Variants in RORA observed in about 807,000 individuals in gnomAD.
The protein encoded by RORA is nuclear receptor ROR-alpha.
RORA carries 7 observed loss-of-function variants against 69.5 expected under a neutral mutation model. The ratio of observed to expected loss-of-function variants is 0.10; its 90% CI spans 0.06 to 0.19. The LOEUF (loss-of-function observed/expected upper bound fraction) is 0.19, where lower values mean the gene tolerates loss of function less well. Ranked by LOEUF, RORA falls within the 10% of genes least tolerant of loss-of-function variation. RORA has a pLI of 1.00. For synonymous variants in RORA, 261 were observed against 240.8 expected (o/e 1.08, Z -0.78); for missense variants, 457 against 663.0 (o/e 0.69, Z 3.41).
chr15:61,054,431 G>A (rs550622965), intron 1 of RORA, among the ~76,000 whole-genome samples: 63 of 152,114 alleles, frequency 4.1e-4, no homozygotes, highest in Non-Finnish European at 7.3e-4. Flanking sequence ...CCTTAGAGAG[G>A]AGGAAATCAG....
At chr15:60,576,303 G>C (rs577583769) in intron 2 of RORA, among the ~76,000 whole-genome samples, 4 of 152,140 alleles carry the variant, frequency 2.6e-5, no homozygotes. Flanking sequence ...TTCTCTCTTA[G>C]TTATAACAGT....
At chr15:60,981,253 T>A (rs936565491) in intron 1 of RORA, among the ~76,000 whole-genome samples, 13 of 152,166 alleles carry the variant, frequency 8.5e-5, no homozygotes, top group Non-Finnish European at 1.8e-4. Context: ...CGTCTTTGAT[T>A]TTCAACAGTT....
At chr15:60,638,181 C>G (rs2069873899) in intron 2 of RORA, among the ~76,000 whole-genome samples, 3 of 152,010 alleles carry the variant, frequency 2.0e-5, no homozygotes, top group Admixed American at 2.0e-4. Flanking sequence ...AAGATATCAA[C>G]CCATCTATCT....
chr15:60,852,490 C>A (rs546079021), intron 1 of RORA, among the ~76,000 whole-genome samples: 1 of 152,284 alleles, frequency 6.6e-6, no homozygotes, highest in Non-Finnish European at 1.5e-5. Context: ...AAACTATATA[C>A]ATAAAATACC....
intron 1 of RORA, among the ~76,000 whole-genome samples, chr15:60,911,060 G>T: frequency 7.5e-6 from 1 of 133,134 alleles, no homozygotes; most frequent in African/African-American, 2.9e-5. Context: ...CCACCACCAT[G>T]CCCAGCTAAT....
At chr15:60,855,058 G>T (rs2140418317) in intron 1 of RORA, among the ~76,000 whole-genome samples, 2 of 152,348 alleles carry the variant, frequency 1.3e-5, no homozygotes, top group Middle Eastern at 6.8e-3. Context: ...GCTGGGCAGA[G>T]CTTACGATTG....
chr15:61,133,881 T>TTA, intron 1 of RORA, among the ~76,000 whole-genome samples: 1 of 152,320 alleles, frequency 6.6e-6, no homozygotes, highest in African/African-American at 2.4e-5. Context: ...AATCTTTAAC[T>TTA]GTAGCAAAAT....
rs374041653 is a variant in RORA, at chr15:61,131,628, C to T, written c.166+97425G>A. ...AACATGTGCTACACTACTGACTATC[C>T]GTTAGACAGTGCTTTAAGCACTTTT... On this transcript the variant is annotated intron_variant, in intron 1 of 10. Transcript: ENST00000335670. This position sits in a 1 kb window ranked among gnomAD's most constrained non-coding sequence, Gnocchi z 4.2. Among the ~76,000 whole-genome samples, 10 of 152,308 alleles carry T rather than the reference C, an allele frequency of 6.6e-5. No individual in the cohort carries two copies. The South Asian group carries it at 1.0e-3, about 16-fold the overall frequency.
intron 2 of RORA, among the ~76,000 whole-genome samples, chr15:60,562,234 C>G (rs1011197656): frequency 6.6e-6 from 1 of 151,542 alleles, no homozygotes; most frequent in Non-Finnish European, 1.5e-5. Context: ...TGCGCCCTGC[C>G]AGTTTACAAA....
intron 2 of RORA, among the ~76,000 whole-genome samples, chr15:60,594,317 T>C (rs181793133): frequency 1.1e-3 from 175 of 152,360 alleles, no homozygotes; most frequent in South Asian, 0.011. Flanking sequence ...ACTGACACCA[T>C]CATTCACATT....
chr15:61,111,540 T>C (rs1270104253), intron 1 of RORA, among the ~76,000 whole-genome samples: 1 of 152,238 alleles, frequency 6.6e-6, no homozygotes, highest in Non-Finnish European at 1.5e-5. Flanking sequence ...AATATCTTTC[T>C]TCTGCTCTCT....
At chr15:61,032,047 C>T (rs997894914) in intron 1 of RORA, among the ~76,000 whole-genome samples, 11 of 152,152 alleles carry the variant, frequency 7.2e-5, no homozygotes, top group African/African-American at 2.7e-4. Flanking sequence ...AAGGGAAGTA[C>T]ACTGTGAAAG....
At chr15:60,896,385 G>A (rs113377458) in intron 1 of RORA, among the ~76,000 whole-genome samples, 2,826 of 152,234 alleles carry the variant, frequency 0.019, 84 homozygotes, top group African/African-American at 0.063. Flanking sequence ...ACCCCCCTTG[G>A]TTATAGACTG....
chr15:60,961,507 C>T (rs1349356792), intron 1 of RORA, among the ~76,000 whole-genome samples: 3 of 152,128 alleles, frequency 2.0e-5, no homozygotes, highest in Middle Eastern at 3.2e-3. Context: ...AGTCAAGTGC[C>T]GATAATATGA....
intron 1 of RORA, among the ~76,000 whole-genome samples, chr15:60,725,260 A>G (rs1020256910): frequency 4.6e-5 from 7 of 151,974 alleles, no homozygotes; most frequent in Admixed American, 3.9e-4. Context: ...CCACTCTCAC[A>G]TGGGTCTTTC....
chr15:60,991,992 G>C (rs111439688), intron 1 of RORA, among the ~76,000 whole-genome samples: 103 of 151,978 alleles, frequency 6.8e-4, no homozygotes, highest in Non-Finnish European at 1.2e-4. Flanking sequence ...TAAGAAATAA[G>C]AACATTATGG....
chr15:60,836,067 T>G (rs549972544), intron 1 of RORA, among the ~76,000 whole-genome samples: 22 of 152,362 alleles, frequency 1.4e-4, no homozygotes, highest in Non-Finnish European at 2.6e-4. Context: ...ATATTTCTTA[T>G]GGTTAAGCAT....
At chr15:61,212,074 G>C (rs1223456683) in intron 1 of RORA, 1 of 152,086 alleles carries the variant, frequency 6.6e-6, no homozygotes, top group Non-Finnish European at 1.5e-5. Flanking sequence ...CCTTTCTCAA[G>C]ACCCTCTTTC....
At chr15:61,181,951 T>C (rs1430459874) in intron 1 of RORA, among the ~76,000 whole-genome samples, 1 of 152,206 alleles carries the variant, frequency 6.6e-6, no homozygotes, top group African/African-American at 2.4e-5. Flanking sequence ...AGCCATCCAC[T>C]ATAATTGGAT....
Sources: allele counts gnomAD v4.1 joint callset (sites outside exome capture counted in the v4.1 genomes callset), GRCh38; gene constraint gnomAD v4.1.1; non-coding constraint Gnocchi (gnomAD v3.1); transcripts MANE v1.5; gene names NCBI Gene and HGNC (gene_info 2026-07-23, HGNC 2026-07-21).